Variants in HK1 observed in about 807,000 individuals in gnomAD.
HK1 encodes the protein hexokinase-1.
A neutral mutation model predicts 91.6 loss-of-function variants in HK1; 28 were observed. The ratio of observed to expected loss-of-function variants is 0.31; its 90% CI spans 0.23 to 0.42. The LOEUF (loss-of-function observed/expected upper bound fraction) is 0.42, where lower values mean the gene tolerates loss of function less well. Among genes scored for constraint, HK1 ranks in the 10% least tolerant of loss-of-function variants. The pLI, the probability that HK1 is intolerant of heterozygous loss-of-function variation, is 1.00. For synonymous variants in HK1, 430 were observed against 468.1 expected (o/e 0.92, Z 1.05); for missense variants, 770 against 1,219.8 (o/e 0.63, Z 5.49).
intron 4 of HK1, among the ~76,000 whole-genome samples, chr10:69,298,294 C>T (rs1845671260): frequency 6.6e-6 from 1 of 151,714 alleles, no homozygotes; most frequent in African/African-American, 2.4e-5. Context: ...GACTGATCCT[C>T]ACAAAATAGG....
chr10:69,374,138 T>G (rs1850160488), intron 7 of HK1, among the ~76,000 whole-genome samples: 1 of 152,172 alleles, frequency 6.6e-6, no homozygotes, highest in Non-Finnish European at 1.5e-5. Context: ...TGCCTTTTCT[T>G]TCTGTGGTTC....
chr10:69,363,961 C>T (rs1296298955), intron 3 of HK1, among the ~76,000 whole-genome samples: 1 of 152,198 alleles, frequency 6.6e-6, no homozygotes, highest in Non-Finnish European at 1.5e-5. Flanking sequence ...AAAGACAACT[C>T]CGTGGATGAC....
chr10:69,317,913 T>C, upstream of HK1: 1 of 310,548 alleles, frequency 3.2e-6, no homozygotes, highest in Non-Finnish European at 4.7e-6. Flanking sequence ...TGGTAGCACC[T>C]CTAGGGAGTC....
rs1839353909 is a variant in HK1 at position 69,380,875 on chromosome 10, A to G, written c.1265+780A>G. Among the ~76,000 whole-genome samples the G allele has an allele frequency of 6.6e-6, 1 of 152,260 alleles. No individual in the cohort carries two copies. Among genetic ancestry groups the G allele is most frequent in the Non-Finnish European group, 1.5e-5 (1 of 68,050 alleles). On this transcript the variant is annotated intron_variant, in intron 9 of 17. Coordinates refer to ENST00000359426, the MANE Select transcript of HK1 (RefSeq NM_000188.3). This position sits in a 1 kb window ranked among gnomAD's most constrained non-coding sequence, Gnocchi z 4.0. Reference sequence around the variant, plus strand: ...ATAAGTTTTAATGCTAGCCTGTGACATGATTGTTTTGCACAGGACCTCAGA... The same window carrying G: ...ATAAGTTTTAATGCTAGCCTGTGACGTGATTGTTTTGCACAGGACCTCAGA...
At chr10:69,348,027 C>T (rs898994337) in intron 2 of HK1, among the ~76,000 whole-genome samples, 2 of 152,154 alleles carry the variant, frequency 1.3e-5, no homozygotes, top group Non-Finnish European at 2.9e-5. Flanking sequence ...CCAGCCTCCC[C>T]CATTCGCGAA....
chr10:69,314,761 A>G (rs899156353), upstream of HK1, among the ~76,000 whole-genome samples: 23 of 151,980 alleles, frequency 1.5e-4, no homozygotes, highest in African/African-American at 5.3e-4. Flanking sequence ...TCCACCTCCC[A>G]GGTTCAAGCG....
chr10:69,290,574 C>T (rs1427596231), intron 3 of HK1, among the ~76,000 whole-genome samples: 1 of 152,158 alleles, frequency 6.6e-6, no homozygotes, highest in Non-Finnish European at 1.5e-5. Context: ...TCTTGGCTCA[C>T]TACAACCTCT....
intron 1 of HK1, among the ~76,000 whole-genome samples, chr10:69,282,058 G>A (rs1477424907): frequency 6.6e-6 from 1 of 152,210 alleles, no homozygotes; most frequent in African/African-American, 2.4e-5. Flanking sequence ...CAGGGCTGAA[G>A]AGACCTAAGT....
intron 2 of HK1, among the ~76,000 whole-genome samples, chr10:69,283,605 A>G (rs1564751321): frequency 1.3e-5 from 2 of 151,392 alleles, no homozygotes; most frequent in Non-Finnish European, 2.9e-5. Context: ...ACATGGTGAA[A>G]CCCCATCTCT....
At chr10:69,323,192 C>T (rs1820285497) in intron 1 of HK1, among the ~76,000 whole-genome samples, 1 of 151,086 alleles carries the variant, frequency 6.6e-6, no homozygotes, top group Admixed American at 6.6e-5. Context: ...GTTGCATGAG[C>T]CAGGATCATG....
rs560273939 is a variant in HK1 at position 69,376,648 on chromosome 10, C to T, written c.876-286C>T. ...TTGACATCTGCAATCTAAATCCAAA[C>T]GCTCCCCCTGCCTTCAGGCAGCCTT... On this transcript the variant is annotated intron_variant, in intron 7 of 17. Transcript: ENST00000359426. Among the ~76,000 whole-genome samples the T allele has an allele frequency of 1.2e-4, 19 of 152,282 alleles. No homozygotes were observed. In the East Asian group the frequency reaches 1.7e-3, roughly 14 times the overall value.
At chr10:69,282,531 C>T (rs1409227980) in exon 2 of HK1, 1 of 152,172 alleles carries the variant, frequency 6.6e-6, no homozygotes, top group Non-Finnish European at 1.5e-5. Flanking sequence ...GTTTTCAGGA[C>T]TTCAACTAAC....
chr10:69,328,889 T>C (rs959286053), intron 1 of HK1, among the ~76,000 whole-genome samples: 1 of 152,220 alleles, frequency 6.6e-6, no homozygotes, highest in African/African-American at 2.4e-5. Flanking sequence ...ACATTTCATA[T>C]AAATGGAATA....
chr10:69,276,118 A>AAATATAAATATATATATATATATATAT, intron 1 of HK1, among the ~76,000 whole-genome samples: 1 of 38,262 alleles, frequency 2.6e-5, no homozygotes, highest in Non-Finnish European at 5.1e-5. Context: ...AAAAAAAAAA[A>AAATATAAATATATATATATATATATAT]ATACATATAT....
At chr10:69,275,398 AC>A (rs201479528) in intron 1 of HK1, among the ~76,000 whole-genome samples, 18,107 of 151,774 alleles carry the variant, frequency 0.12, 1,411 homozygotes, top group Middle Eastern at 0.19. Flanking sequence ...TAAAAAAAAA[AC>A]AACTTAAATT....
chr10:69,338,369 C>T lies in HK1; in HGVS notation c.64-5458C>T. ...TCTGGTGTCTGGGACTGGGCGCCTT[C>T]CCATTTCCATCCCAGCCTGACCAGA... On this transcript the variant is annotated intron_variant, in intron 1 of 17. Coordinates refer to ENST00000359426, the MANE Select transcript of HK1 (RefSeq NM_000188.3). The T allele has an allele frequency of 2.5e-6, 3 of 1,192,434 alleles. No homozygotes were observed. The South Asian group carries it at 4.5e-5, about 18-fold the overall frequency. 73.9% of individuals were successfully genotyped at this position (1,192,434 alleles called of 1,614,324 possible).
intron 3 of HK1, among the ~76,000 whole-genome samples, chr10:69,363,962 C>T (rs373889425): frequency 4.6e-5 from 7 of 152,166 alleles, no homozygotes; most frequent in South Asian, 2.1e-4. Context: ...AAGACAACTC[C>T]GTGGATGACT....
chr10:69,343,011 C>A (rs968905411), intron 1 of HK1, among the ~76,000 whole-genome samples: 1 of 152,114 alleles, frequency 6.6e-6, no homozygotes. Context: ...TTGGGTCAGG[C>A]CTGGTGAAGG....
intron 1 of HK1, among the ~76,000 whole-genome samples, chr10:69,329,169 CTT>C (rs1554814167): frequency 6.9e-6 from 1 of 144,328 alleles, no homozygotes; most frequent in African/African-American, 2.5e-5. Context: ...CTTTCTTCTT[CTT>C]TTTTTTTTTT....
Sources: gnomAD v4.1 joint callset for allele counts (sites outside exome capture counted in the v4.1 genomes callset) on GRCh38, gnomAD v4.1.1 for gene constraint, Gnocchi (gnomAD v3.1) non-coding constraint, MANE v1.5 for transcripts, NCBI Gene and HGNC (gene_info 2026-07-23, HGNC 2026-07-21) for gene names.